Variants in SYN2 observed in about 807,000 individuals in gnomAD.
SYN2 encodes the protein synapsin II, also known as synapsin-2.
SYN2 carries 19 observed loss-of-function variants against 50.9 expected under a neutral mutation model. That is an observed-to-expected ratio of 0.37 (90% confidence interval 0.26 to 0.55). SYN2 has a LOEUF of 0.55. Ranked by LOEUF, SYN2 falls within the 20% of genes least tolerant of loss-of-function variation. The probability of loss-of-function intolerance (pLI) is 0.81; values close to 1 mark genes in which losing one functional copy is unlikely to be tolerated. For missense variants in SYN2, 587 were observed against 576.4 expected, an observed-to-expected ratio of 1.02 and a Z score of -0.19; for synonymous variants, 255 against 224.9, an observed-to-expected ratio of 1.13 and a Z score of -1.20.
Position 12,173,560 on chromosome 3 carries a change from C to T in SYN2, c.1308+3654C>T, listed in dbSNP as rs61389214. Among the ~76,000 whole-genome samples, 1,076 of 152,260 alleles carry T rather than the reference C, an allele frequency of 7.1e-3. 11 individuals carry two copies. The highest frequency in any genetic ancestry group is 0.024 in the African/African-American group (1,011 of 41,548). On this transcript the variant is annotated intron_variant, in intron 10 of 12. Coordinates refer to ENST00000621198, the MANE Select transcript of SYN2 (RefSeq NM_133625.6). The stretch of plus-strand genomic sequence containing the variant: ...CCGTCTCCCTTTTACCACATTTTCT[C>T]TCCTATCCTCTCTAGTCAGCATCCC...
chr3:12,164,163 C>T (rs1448771496), intron 7 of SYN2, among the ~76,000 whole-genome samples: 1 of 152,050 alleles, frequency 6.6e-6, no homozygotes, highest in Admixed American at 6.5e-5. Context: ...CCTTCAGGCA[C>T]CTAGGAAAGC....
chr3:12,034,238 T>C (rs1377545401), intron 1 of SYN2, among the ~76,000 whole-genome samples: 1 of 152,202 alleles, frequency 6.6e-6, no homozygotes. Context: ...TCCTACTCTT[T>C]GTGAAGTAGT....
chr3:12,025,702 C>T (rs1208457194), intron 1 of SYN2, among the ~76,000 whole-genome samples: 4 of 151,928 alleles, frequency 2.6e-5, no homozygotes, highest in Non-Finnish European at 5.9e-5. Flanking sequence ...CCTGAAAGTC[C>T]GTCATATAAG....
At chr3:12,109,724 G>C (rs368031332) in intron 1 of SYN2, among the ~76,000 whole-genome samples, 126 of 152,222 alleles carry the variant, frequency 8.3e-4, no homozygotes, top group African/African-American at 2.9e-3. Flanking sequence ...TCTGGGTTTG[G>C]GGTAGATACA....
intron 1 of SYN2, among the ~76,000 whole-genome samples, chr3:12,066,079 T>C (rs1057197833): frequency 6.6e-6 from 1 of 152,148 alleles, no homozygotes; most frequent in African/African-American, 2.4e-5. Flanking sequence ...GTAAATATAC[T>C]AAACCCTACT....
At chr3:12,179,467 G>GC (rs772951628) in intron 10 of SYN2, among the ~76,000 whole-genome samples, 4 of 150,198 alleles carry the variant, frequency 2.7e-5, no homozygotes, top group South Asian at 2.1e-4. Context: ...AGCTACATGA[G>GC]CCCCCCTAAC....
chr3:12,051,675 G>C (rs1694868267), intron 1 of SYN2, among the ~76,000 whole-genome samples: 1 of 152,130 alleles, frequency 6.6e-6, no homozygotes, highest in Admixed American at 6.5e-5. Flanking sequence ...GAACATGCAG[G>C]CTTATTTCTG....
chr3:12,125,356 G>T (rs922833393), intron 1 of SYN2, among the ~76,000 whole-genome samples: 1 of 152,126 alleles, frequency 6.6e-6, no homozygotes, highest in African/African-American at 2.4e-5. Context: ...ATAAAGTGAC[G>T]GAACAAATTT....
chr3:12,165,357 T>C (rs1697758214), intron 7 of SYN2: 2 of 152,340 alleles, frequency 1.3e-5, no homozygotes, highest in East Asian at 3.9e-4. Flanking sequence ...ATGAAGTCAT[T>C]CAAAATTTGT....
chr3:12,132,250 G>T (rs986525974), intron 1 of SYN2, among the ~76,000 whole-genome samples: 3 of 152,088 alleles, frequency 2.0e-5, no homozygotes, highest in African/African-American at 7.2e-5. Flanking sequence ...CAGTAGGACA[G>T]GCTTTGGTAA....
chr3:12,128,993 G>A (rs1407910116), intron 1 of SYN2, among the ~76,000 whole-genome samples: 1 of 151,938 alleles, frequency 6.6e-6, no homozygotes, highest in East Asian at 1.9e-4. Flanking sequence ...CTTACATTTT[G>A]GTTGGGCAGA....
chr3:12,047,681 A>C (rs999722421), intron 1 of SYN2, among the ~76,000 whole-genome samples: 2 of 152,132 alleles, frequency 1.3e-5, no homozygotes, highest in Non-Finnish European at 2.9e-5. Flanking sequence ...TAAGTTGGAT[A>C]GAGAGGCGAG....
intron 1 of SYN2, among the ~76,000 whole-genome samples, chr3:12,052,796 C>G (rs976567676): frequency 2.0e-5 from 3 of 152,152 alleles, no homozygotes; most frequent in Non-Finnish European, 2.9e-5. Context: ...GCCAAAGCAT[C>G]ATAACATTCT....
At chr3:12,143,637 C>T (rs867852210) in intron 3 of SYN2, among the ~76,000 whole-genome samples, 2 of 152,046 alleles carry the variant, frequency 1.3e-5, no homozygotes, top group Non-Finnish European at 1.5e-5. Context: ...TTAATGACTG[C>T]GTTGTATTCC....
intron 1 of SYN2, among the ~76,000 whole-genome samples, chr3:12,060,479 A>G (rs1695090072): frequency 6.6e-6 from 1 of 152,140 alleles, no homozygotes; most frequent in Admixed American, 6.6e-5. Context: ...AAACTGAGAA[A>G]TACTCGTGAA....
chr3:12,089,960 A>G (rs933525022), intron 1 of SYN2, among the ~76,000 whole-genome samples: 1 of 152,166 alleles, frequency 6.6e-6, no homozygotes, highest in African/African-American at 2.4e-5. Context: ...CTTATCTACA[A>G]CAAGAAGGAG....
At chr3:12,063,998 C>A (rs1469418025) in intron 1 of SYN2, among the ~76,000 whole-genome samples, 9 of 82,430 alleles carry the variant, frequency 1.1e-4, no homozygotes, top group Non-Finnish European at 2.7e-4. Flanking sequence ...AAAAAGATTA[C>A]ATTGGAGAAA....
intron 10 of SYN2, among the ~76,000 whole-genome samples, chr3:12,170,315 A>G (rs752848962): frequency 6.6e-6 from 1 of 152,206 alleles, no homozygotes; most frequent in Non-Finnish European, 1.5e-5. Context: ...ATCTTCGTAA[A>G]TAAGGAAGTC....
At chr3:12,091,188 A>G (rs765672726) in intron 1 of SYN2, among the ~76,000 whole-genome samples, 3 of 152,148 alleles carry the variant, frequency 2.0e-5, no homozygotes, top group Non-Finnish European at 4.4e-5. Flanking sequence ...GCTCATTACA[A>G]CTATATACTA....
Sources: allele counts gnomAD v4.1 joint callset (sites outside exome capture counted in the v4.1 genomes callset), GRCh38; gene constraint gnomAD v4.1.1; transcripts MANE v1.5; gene names NCBI Gene and HGNC (gene_info 2026-07-23, HGNC 2026-07-21).